CTNNA2: variants seen among roughly 807,000 people sequenced by gnomAD.
CTNNA2 encodes catenin alpha-2.
In CTNNA2, 42 loss-of-function variants were observed where a neutral mutation model predicts 101.0. The ratio of observed to expected loss-of-function variants is 0.42; its 90% confidence interval spans 0.32 to 0.54. The LOEUF is 0.54. CTNNA2 is among the 20% of genes least tolerant of loss of function. The pLI, the probability that CTNNA2 is intolerant of heterozygous loss-of-function variation, is 0.14. For synonymous variants in CTNNA2, 450 were observed against 456.4 expected, an observed-to-expected ratio of 0.99 and a Z score of 0.18; for missense variants, 871 against 1,223.1, an observed-to-expected ratio of 0.71 and a Z score of 4.29.
chr2:80,396,948 A>G (rs1678073741), intron 8 of CTNNA2, among the ~76,000 whole-genome samples: 1 of 152,218 alleles, frequency 6.6e-6, no homozygotes. Flanking sequence ...GAGAATTTAT[A>G]TATAGAATGC....
At chr2:79,922,256 GA>G (rs556941990) in intron 7 of CTNNA2, among the ~76,000 whole-genome samples, 203 of 152,198 alleles carry the variant, frequency 1.3e-3, no homozygotes, top group African/African-American at 4.8e-3. Flanking sequence ...CCCCTAAAGT[GA>G]CTCAAGAAGA....
chr2:80,122,322 C>CT (rs1034251278), intron 7 of CTNNA2, among the ~76,000 whole-genome samples: 4 of 151,430 alleles, frequency 2.6e-5, no homozygotes, highest in African/African-American at 9.7e-5. Flanking sequence ...CTGTTTCCCC[C>CT]TCTTTCTCTG....
At chr2:80,284,032 A>G (rs1272609115) in intron 7 of CTNNA2, among the ~76,000 whole-genome samples, 1 of 152,158 alleles carries the variant, frequency 6.6e-6, no homozygotes, top group African/African-American at 2.4e-5. Context: ...GATCCCATTC[A>G]TGGCAATCCA....
chr2:80,025,846 TGCTGTGCTATGA>T (rs1363781369), intron 7 of CTNNA2, among the ~76,000 whole-genome samples: 1 of 152,232 alleles, frequency 6.6e-6, no homozygotes, highest in Non-Finnish European at 1.5e-5. Flanking sequence ...TCCTCCTATA[TGCTGTGCTATGA>T]GCTGTGAGTT....
At chr2:80,526,438 TC>T (rs1370457272) in intron 9 of CTNNA2, among the ~76,000 whole-genome samples, 1 of 152,140 alleles carries the variant, frequency 6.6e-6, no homozygotes, top group Non-Finnish European at 1.5e-5. Flanking sequence ...GACCTTGTGA[TC>T]CGCCCACCTC....
chr2:80,271,175 G>A (rs997796208), intron 7 of CTNNA2, among the ~76,000 whole-genome samples: 1 of 152,174 alleles, frequency 6.6e-6, no homozygotes, highest in African/African-American at 2.4e-5. Context: ...ATATCTAATA[G>A]CAATAAAGAG....
intron 3 of CTNNA2, among the ~76,000 whole-genome samples, chr2:79,747,333 T>A (rs1419443244): frequency 6.6e-6 from 1 of 152,140 alleles, no homozygotes; most frequent in Non-Finnish European, 1.5e-5. Flanking sequence ...TGGATAGTTG[T>A]TTTATTTTTT....
chr2:80,501,243 T>A (rs1394164270), intron 9 of CTNNA2, among the ~76,000 whole-genome samples: 1 of 152,194 alleles, frequency 6.6e-6, no homozygotes, highest in African/African-American at 2.4e-5. Context: ...TGTGAAGCAG[T>A]CAGAATGCTT....
At chr2:79,977,749 C>T (rs543139811) in intron 7 of CTNNA2, among the ~76,000 whole-genome samples, 2 of 152,116 alleles carry the variant, frequency 1.3e-5, no homozygotes, top group Non-Finnish European at 2.9e-5. Flanking sequence ...GATTTCTCCT[C>T]CCTCCCCCTC....
intron 7 of CTNNA2, among the ~76,000 whole-genome samples, chr2:79,933,668 T>A (rs1687601556): frequency 6.6e-6 from 1 of 152,160 alleles, no homozygotes; most frequent in African/African-American, 2.4e-5. Context: ...TTGGCCAGGC[T>A]GGTCTCGAAC....
chr2:79,457,830 C>A (rs187727062), intron 4 of CTNNA2, among the ~76,000 whole-genome samples: 1 of 152,140 alleles, frequency 6.6e-6, no homozygotes, highest in Admixed American at 6.5e-5. Context: ...CACTCTCTAC[C>A]TTCCCCTACC....
chr2:80,420,276 G>T (rs1680414636), intron 9 of CTNNA2, among the ~76,000 whole-genome samples: 1 of 152,036 alleles, frequency 6.6e-6, no homozygotes, highest in African/African-American at 2.4e-5. Context: ...AAAACGAACA[G>T]CCTGGCAAAG....
At chr2:79,915,328 CACAT>C (rs879919924) in intron 7 of CTNNA2, among the ~76,000 whole-genome samples, 2,282 of 133,658 alleles carry the variant, frequency 0.017, 164 homozygotes, top group Admixed American at 0.13. Context: ...CACACACACA[CACAT>C]TACACTTTGC....
chr2:79,199,287 G>T (rs113421630), intron 2 of CTNNA2, among the ~76,000 whole-genome samples: 54 of 152,128 alleles, frequency 3.5e-4, no homozygotes, highest in Middle Eastern at 3.4e-3. Flanking sequence ...TAGAATCTTT[G>T]CTTGTTTAGG....
At chr2:79,859,292 A>T (rs1265615955) in intron 4 of CTNNA2, among the ~76,000 whole-genome samples, 1 of 151,974 alleles carries the variant, frequency 6.6e-6, no homozygotes, top group Non-Finnish European at 1.5e-5. Flanking sequence ...ACCAGGGGAG[A>T]TAGGAAATGA....
chr2:79,855,809 A>G (rs905347559), intron 3 of CTNNA2, among the ~76,000 whole-genome samples: 1 of 152,210 alleles, frequency 6.6e-6, no homozygotes, highest in Non-Finnish European at 1.5e-5. Flanking sequence ...TTACCTATTA[A>G]TATCTTACAC....
At chr2:80,602,869 G>A (rs577632968) in intron 15 of CTNNA2, among the ~76,000 whole-genome samples, 1 of 152,152 alleles carries the variant, frequency 6.6e-6, no homozygotes, top group Non-Finnish European at 1.5e-5. Context: ...TAGAAACCCA[G>A]TATATTTTAC....
At chr2:79,350,021 A>C (rs1677350309) in intron 3 of CTNNA2, among the ~76,000 whole-genome samples, 1 of 145,018 alleles carries the variant, frequency 6.9e-6, no homozygotes, top group African/African-American at 2.6e-5. Flanking sequence ...TTGCAGTGAG[A>C]CGAGATCACG....
chr2:80,643,748 T>A (rs995500221), intron 18 of CTNNA2, among the ~76,000 whole-genome samples: 1 of 152,108 alleles, frequency 6.6e-6, no homozygotes, highest in Non-Finnish European at 1.5e-5. Flanking sequence ...TTCAGAATAA[T>A]GGAGCAAATC....
Sources: gnomAD v4.1 joint callset for allele counts (sites outside exome capture counted in the v4.1 genomes callset) on GRCh38, gnomAD v4.1.1 for gene constraint, MANE v1.5 for transcripts, NCBI Gene and HGNC (gene_info 2026-07-23, HGNC 2026-07-21) for gene names.